Variants in CDH18 observed in about 807,000 individuals in gnomAD.
The protein encoded by CDH18 is cadherin-18.
A neutral mutation model predicts 67.9 loss-of-function variants in CDH18; 31 were observed. The ratio of observed to expected loss-of-function variants is 0.46; its 90% CI spans 0.34 to 0.62. The LOEUF (loss-of-function observed/expected upper bound fraction) is 0.62. Among genes scored for constraint, CDH18 ranks in the 20% least tolerant of loss-of-function variants. The pLI, the probability that CDH18 is intolerant of heterozygous loss-of-function variation, is 0.01. For missense variants in CDH18, 890 were observed against 975.5 expected (o/e 0.91, Z 1.17); for synonymous variants, 362 against 347.2 (o/e 1.04, Z -0.48).
At chr5:19,621,796 T>C (rs1003567794) in intron 5 of CDH18, among the ~76,000 whole-genome samples, 1 of 152,142 alleles carries the variant, frequency 6.6e-6, no homozygotes, top group African/African-American at 2.4e-5. Flanking sequence ...CACTTAAAAA[T>C]TGTTTAAAAG....
At chr5:20,378,297 T>G (rs745626924) in intron 1 of CDH18, among the ~76,000 whole-genome samples, 1 of 151,978 alleles carries the variant, frequency 6.6e-6, no homozygotes, top group Non-Finnish European at 1.5e-5. Context: ...TCAGCCTCCC[T>G]AGTAGCTGGG....
At chr5:19,705,099 C>CTATGTAT (rs1763776670) in intron 5 of CDH18, among the ~76,000 whole-genome samples, 1 of 152,178 alleles carries the variant, frequency 6.6e-6, no homozygotes, top group South Asian at 2.1e-4. Context: ...GACTTATGTA[C>CTATGTAT]GGCAAGCAGC....
Position 19,602,973 on chromosome 5 carries a change from A to T in CDH18, c.811+9461T>A, listed in dbSNP as rs555857066. The stretch of plus-strand genomic sequence containing the variant: ...AGAGCGAAACTCCATCTCAAAAAAA[A>T]AAATAAATAAATAAACATAAAATTA... On this transcript the variant is annotated intron_variant, in intron 6 of 12. Transcript: ENST00000382275. 4.1e-3 allele frequency among the ~76,000 whole-genome samples: 628 copies of T among 152,038 alleles called. 6 individuals carry two copies. The highest frequency in any genetic ancestry group is 4.6e-3 in the African/African-American group (192 of 41,512).
chr5:19,700,893 T>G (rs1161880679), intron 5 of CDH18, among the ~76,000 whole-genome samples: 2 of 151,868 alleles, frequency 1.3e-5, no homozygotes, highest in African/African-American at 2.4e-5. Context: ...GAAATAGAAA[T>G]TTTGTTAGAA....
At chr5:19,808,608 C>G (rs1778293458) in intron 3 of CDH18, among the ~76,000 whole-genome samples, 1 of 151,746 alleles carries the variant, frequency 6.6e-6, no homozygotes, top group Non-Finnish European at 1.5e-5. Context: ...GGTGAATCAC[C>G]TGAGGTCAGG....
At position 20,394,096 on chromosome 5, in the gene CDH18, A is replaced by G. The variant is rs1745091952; in HGVS notation, c.-579-138591T>C. Among the ~76,000 whole-genome samples the G allele has an allele frequency of 3.3e-5, 5 of 152,072 alleles. No homozygotes were observed. In the South Asian group the frequency reaches 1.0e-3, roughly 31 times the overall value. ...TATGGAATCCCAAAAGTACCTGAAT[A>G]GCCAAAACAATCCCAAGCAAAAAAA... is the stretch of plus-strand genomic sequence containing the variant. On this transcript the variant is annotated intron_variant, in intron 1 of 14. Transcript: ENST00000507958.
intron 1 of CDH18, among the ~76,000 whole-genome samples, chr5:20,346,776 T>C (rs1462311931): frequency 2.0e-5 from 3 of 152,152 alleles, no homozygotes; most frequent in East Asian, 3.9e-4. Flanking sequence ...GTTACATCCA[T>C]AGGTGGCTCG....
intron 2 of CDH18, among the ~76,000 whole-genome samples, chr5:20,163,247 C>A (rs1736033946): frequency 6.6e-6 from 1 of 151,956 alleles, no homozygotes; most frequent in African/African-American, 2.4e-5. Context: ...CCCTGTTTCA[C>A]CCTAATGCCC....
At chr5:19,968,521 C>G (rs1797700901) in intron 2 of CDH18, among the ~76,000 whole-genome samples, 1 of 151,548 alleles carries the variant, frequency 6.6e-6, no homozygotes, top group African/African-American at 2.4e-5. Flanking sequence ...CAGAACAGAG[C>G]CCTCAGAAAT....
intron 1 of CDH18, among the ~76,000 whole-genome samples, chr5:20,258,738 A>G (rs1744427537): frequency 6.6e-6 from 1 of 152,148 alleles, no homozygotes. Context: ...GTTCAGTATC[A>G]TTAAATCAGA....
At chr5:20,253,986 G>C (rs543851255) in intron 2 of CDH18, among the ~76,000 whole-genome samples, 20 of 152,252 alleles carry the variant, frequency 1.3e-4, no homozygotes, top group African/African-American at 4.6e-4. Context: ...AGTTCTTAAA[G>C]GAAGCTAGAG....
intron 2 of CDH18, among the ~76,000 whole-genome samples, chr5:19,851,827 G>T (rs760555773): frequency 6.6e-6 from 1 of 151,514 alleles, no homozygotes; most frequent in African/African-American, 2.4e-5. Flanking sequence ...ATCTCTTTTG[G>T]TTCAAAAGAT....
chr5:20,396,093 C>A (rs1057396241), intron 1 of CDH18, among the ~76,000 whole-genome samples: 7 of 152,168 alleles, frequency 4.6e-5, no homozygotes, highest in African/African-American at 1.7e-4. Context: ...TGAACCAAAG[C>A]AGGAAGTTAT....
chr5:19,721,162 A>T (rs1766039232), intron 5 of CDH18, among the ~76,000 whole-genome samples, 185 bp downstream of exon 5: 2 of 152,246 alleles, frequency 1.3e-5, no homozygotes, highest in Non-Finnish European at 2.9e-5. Context: ...TAGGGAAAGC[A>T]TAATATATGT....
intron 2 of CDH18, among the ~76,000 whole-genome samples, chr5:20,172,082 A>G (rs534919967): frequency 1.3e-5 from 2 of 148,652 alleles, no homozygotes; most frequent in African/African-American, 4.9e-5. Flanking sequence ...TGAAACGTTT[A>G]GTAACAATTG....
intron 2 of CDH18, among the ~76,000 whole-genome samples, chr5:20,083,781 G>A (rs1744700330): frequency 6.6e-6 from 1 of 152,190 alleles, no homozygotes; most frequent in Non-Finnish European, 1.5e-5. Flanking sequence ...GGCAAAGAGA[G>A]ATTGCTTGTG....
chr5:19,779,091 T>G (rs896177573), intron 3 of CDH18, among the ~76,000 whole-genome samples: 1 of 152,124 alleles, frequency 6.6e-6, no homozygotes, highest in Admixed American at 6.6e-5. Context: ...CTTTAAAAAT[T>G]TTTATATTAA....
intron 6 of CDH18, among the ~76,000 whole-genome samples, chr5:19,596,369 AT>A (rs1746162471): frequency 6.6e-6 from 1 of 152,222 alleles, no homozygotes; most frequent in South Asian, 2.1e-4. Flanking sequence ...ATATTACAAA[AT>A]AAATTGGTAC....
chr5:20,424,193 AC>A (rs1748094082), intron 1 of CDH18, among the ~76,000 whole-genome samples: 1 of 150,916 alleles, frequency 6.6e-6, no homozygotes, highest in Admixed American at 6.6e-5. Context: ...AGGATTGAAG[AC>A]AAGTATCCTC....
Sources: gnomAD v4.1 joint callset for allele counts (sites outside exome capture counted in the v4.1 genomes callset) on GRCh38, gnomAD v4.1.1 for gene constraint, MANE v1.5 for transcripts, NCBI Gene and HGNC (gene_info 2026-07-23, HGNC 2026-07-21) for gene names.